The following MYOM1 variants were observed in gnomAD, a reference collection of about 807,000 sequenced individuals.
MYOM1 encodes myomesin 1.
MYOM1 carries 164 observed loss-of-function variants against 205.3 expected under a neutral mutation model. The ratio of observed to expected loss-of-function variants is 0.80; its 90% CI spans 0.70 to 0.91. The LOEUF is 0.91. Among genes scored for constraint, MYOM1 ranks in the 40% least tolerant of loss-of-function variants. MYOM1 has a pLI of 0.00. For synonymous variants in MYOM1, 772 were observed against 789.4 expected, an observed-to-expected ratio of 0.98 and a Z score of 0.37; for missense variants, 2,011 against 2,127.3, an observed-to-expected ratio of 0.95 and a Z score of 1.08.
intron 21 of MYOM1, among the ~76,000 whole-genome samples, chr18:3,114,544 ATTTTTTTTTTTT>A (rs5822738): frequency 1.1e-5 from 1 of 88,374 alleles, no homozygotes; most frequent in Admixed American, 1.5e-4. Flanking sequence ...TGGTCAGCTA[ATTTTTTTTTTTT>A]TTTTTTTTTT....
chr18:3,074,987 G>T (rs1423916691), intron 36 of MYOM1, among the ~76,000 whole-genome samples: 3 of 152,086 alleles, frequency 2.0e-5, no homozygotes, highest in Non-Finnish European at 4.4e-5. Context: ...TAGAGACGGG[G>T]TTTTGCCATG....
chr18:3,085,452 C>A (rs150671226), intron 30 of MYOM1, among the ~76,000 whole-genome samples: 1 of 152,008 alleles, frequency 6.6e-6, no homozygotes, highest in East Asian at 1.9e-4. Flanking sequence ...ACAGAATTGC[C>A]ATCAAAACAC....
intron 2 of MYOM1, among the ~76,000 whole-genome samples, chr18:3,203,815 G>C (rs1318392849): frequency 6.7e-6 from 1 of 149,692 alleles, no homozygotes; most frequent in Admixed American, 6.6e-5. Context: ...AGCAAACAAA[G>C]ACGTTATAAT....
At chr18:3,245,339 A>G in the MYOM1 span, among the ~76,000 whole-genome samples, 33 of 152,286 alleles carry the variant, frequency 2.2e-4, no homozygotes, top group Non-Finnish European at 2.9e-4. Context: ...AGAACACAGC[A>G]CTCCAGCCTG....
At chr18:3,141,102 C>T (rs2080042331) in intron 14 of MYOM1, among the ~76,000 whole-genome samples, 1 of 152,142 alleles carries the variant, frequency 6.6e-6, no homozygotes, top group Admixed American at 6.5e-5. Flanking sequence ...ATCCTGTTAG[C>T]CAAGGACTTC....
At chr18:3,083,595 ATTTTTTTTTT>A (rs59299057) in intron 33 of MYOM1, among the ~76,000 whole-genome samples, 184 bp downstream of exon 33, 4 of 107,152 alleles carry the variant, frequency 3.7e-5, no homozygotes, top group African/African-American at 7.1e-5. Context: ...CGCCCAGCTC[ATTTTTTTTTT>A]TTTTTTTTTT....
At chr18:3,246,659 A>C in the MYOM1 span, 1 of 152,252 alleles carries the variant, frequency 6.6e-6, no homozygotes, top group Non-Finnish European at 1.5e-5. Context: ...TTACAGCAAC[A>C]CTGTCCGTTC....
At chr18:3,191,533 C>A (rs980564206) in intron 3 of MYOM1, among the ~76,000 whole-genome samples, 2 of 152,168 alleles carry the variant, frequency 1.3e-5, no homozygotes, top group Non-Finnish European at 2.9e-5. Flanking sequence ...AGACACTCAA[C>A]AAATGTTCAT....
At chr18:3,177,502 A>C (rs1162677292) in intron 5 of MYOM1, among the ~76,000 whole-genome samples, 1 of 147,568 alleles carries the variant, frequency 6.8e-6, no homozygotes, top group East Asian at 2.0e-4. Flanking sequence ...ACAGAGTTTC[A>C]CTCTTGTTGC....
Position 3,187,474 on chromosome 18 carries a change from A to G in MYOM1, c.929+6T>C, listed in dbSNP as rs1436080425. 1 of 1,612,012 alleles carries G rather than the reference A, an allele frequency of 6.2e-7. No homozygotes were observed. Among genetic ancestry groups the G allele is most frequent in the Non-Finnish European group, 8.5e-7 (1 of 1,178,574 alleles). On this transcript the variant is annotated splice_donor_region_variant and intron_variant, in intron 5 of 37. Transcript: ENST00000356443. ...AATTCTGTTAGCTTTCATAAAGATA[A>G]CATACCACGTGACACGAGGTTCTGG... is the stretch of plus-strand genomic sequence containing the variant.
the MYOM1 span, among the ~76,000 whole-genome samples, chr18:3,235,874 C>A: frequency 2.0e-5 from 3 of 151,962 alleles, no homozygotes; most frequent in Non-Finnish European, 4.4e-5. Flanking sequence ...CTTGAAGATG[C>A]GAAAGAGTTG....
In MYOM1 at chr18:3,152,065, G is replaced by C. The variant is rs1409318448; in HGVS notation, c.1644-172C>G. On this transcript the variant is annotated intron_variant, in intron 11 of 37. Coordinates refer to ENST00000356443, the MANE Select transcript of MYOM1 (RefSeq NM_003803.4). This position sits in a 1 kb window ranked among gnomAD's most constrained non-coding sequence, Gnocchi z 4.3. ...TGCAGGCACTCCGTTTCACTCAAAT[G>C]CACTGTGTCTTCTTTACCAAGAGGA... 6.6e-6 allele frequency among the ~76,000 whole-genome samples: 1 copy of C among 152,142 alleles called. No homozygotes were observed. Among genetic ancestry groups the C allele is most frequent in the Admixed American group, 6.5e-5 (1 of 15,270 alleles).
intron 16 of MYOM1, among the ~76,000 whole-genome samples, chr18:3,134,280 A>G (rs557929542): frequency 2.0e-4 from 31 of 152,168 alleles, no homozygotes; most frequent in Non-Finnish European, 4.0e-4. Context: ...TACAACTTCA[A>G]ACTCAAGCTG....
chr18:3,170,875 C>G (rs1464510302), intron 8 of MYOM1, among the ~76,000 whole-genome samples: 1 of 152,146 alleles, frequency 6.6e-6, no homozygotes, highest in East Asian at 1.9e-4. Flanking sequence ...CTCATAACTT[C>G]TCGACCCCAA....
At chr18:3,067,813 A>T (rs1274502305) in intron 37 of MYOM1, among the ~76,000 whole-genome samples, 1 of 152,182 alleles carries the variant, frequency 6.6e-6, no homozygotes, top group Non-Finnish European at 1.5e-5. Context: ...GCTTATTATC[A>T]AAAACACACG....
At chr18:3,097,705 C>A (rs1005904498) in intron 25 of MYOM1, among the ~76,000 whole-genome samples, 3 of 152,142 alleles carry the variant, frequency 2.0e-5, no homozygotes, top group Admixed American at 1.3e-4. Context: ...CCTTGCCCAG[C>A]CGAATGTCAG....
chr18:3,196,639 A>G (rs529136426), intron 2 of MYOM1, among the ~76,000 whole-genome samples: 6 of 152,340 alleles, frequency 3.9e-5, no homozygotes, highest in Admixed American at 3.9e-4. Context: ...AACTGTATCT[A>G]TATCTAGGTA....
rs868207047 is a variant in MYOM1, at chr18:3,188,844, C to A, written c.675G>T (p.Gln225His). 2 of 1,613,598 alleles carry A rather than the reference C, an allele frequency of 1.2e-6. No individual in the cohort carries two copies. The highest frequency in any genetic ancestry group is 2.7e-5 in the African/African-American group (2 of 74,902). The change falls in exon 4 of 38, where the codon CAG becomes CAT. Residue 225 changes from glutamine (Q) to histidine (H), a missense_variant. By Grantham distance (24) the Gln-to-His change is conservative. Transcript: ENST00000356443. ...TASRQSVVSKQATSALQQEET... is the reference protein window; with the variant it reads ...TASRQSVVSKHATSALQQEET... The stretch of plus-strand genomic sequence containing the variant: ...CTTCCTGTTGAAGAGCGGATGTGGC[C>A]TGTTTGGAAACCACAGACTGCCTGG...
At chr18:3,176,722 A>T (rs1386151700) in intron 5 of MYOM1, among the ~76,000 whole-genome samples, 3 of 151,790 alleles carry the variant, frequency 2.0e-5, no homozygotes, top group Non-Finnish European at 4.4e-5. Context: ...CTCTACTAGT[A>T]ATACTAAAAA....
Sources: allele counts gnomAD v4.1 joint callset (sites outside exome capture counted in the v4.1 genomes callset), GRCh38; gene constraint gnomAD v4.1.1; non-coding constraint Gnocchi (gnomAD v3.1); transcripts MANE v1.5; gene names NCBI Gene and HGNC (gene_info 2026-07-23, HGNC 2026-07-21).